ODAD1: variants seen among roughly 807,000 people sequenced by gnomAD.
ODAD1 encodes outer dynein arm docking complex subunit 1.
Under a neutral mutation model 67.2 loss-of-function variants are expected in ODAD1, and 49 were observed. That is an observed-to-expected ratio of 0.73 (90% CI 0.58 to 0.92). The LOEUF is 0.92. Ranked by LOEUF, ODAD1 falls within the 40% of genes least tolerant of loss-of-function variation. ODAD1 has a pLI of 0.00. For synonymous variants in ODAD1, 345 were observed against 393.7 expected (o/e 0.88, Z 1.46); for missense variants, 897 against 953.7 (o/e 0.94, Z 0.78).
At chr19:48,316,406 G>A (rs1968901385) in intron 5 of ODAD1, among the ~76,000 whole-genome samples, 2 of 150,972 alleles carry the variant, frequency 1.3e-5, no homozygotes, top group African/African-American at 2.4e-5. Context: ...CTGCCTAACT[G>A]TGCAAACTGT....
intron 3 of ODAD1, chr19:48,319,521 C>T: frequency 8.0e-6 from 6 of 748,428 alleles, no homozygotes; most frequent in Non-Finnish European, 9.8e-6. Flanking sequence ...AAACATTTGG[C>T]AATGTCTGGA....
rs756376602 is a variant in ODAD1 at position 48,297,045 on chromosome 19, G to A, written c.2055C>T (p.His685=). 1.5e-5 allele frequency: 24 copies of A among 1,612,618 alleles called. No homozygotes were observed. In the Admixed American group the frequency reaches 1.8e-4, roughly 12 times the overall value. ...SSGGLGSSRD[H]VSSTGPASST... is the part of the protein sequence containing the mutation. ...TGGAGGCAGGGCCGGTGCTGGAGAC[G>A]TGGTCTCTGCTGGACCCGAGGCCTC... Residue 685 remains histidine, a synonymous_variant, in exon 16 of 16, where the codon CAC becomes CAT. Coordinates refer to ENST00000674294, the MANE Select transcript of ODAD1 (RefSeq NM_001364171.2).
chr19:48,320,222 C>T, intron 3 of ODAD1, 77 bp downstream of exon 3: 1 of 982,218 alleles, frequency 1.0e-6, no homozygotes. Context: ...CTCCCTCCCT[C>T]CCTACAGGAC....
intron 5 of ODAD1, among the ~76,000 whole-genome samples, chr19:48,315,805 A>C (rs1968882935): frequency 1.3e-5 from 2 of 152,250 alleles, no homozygotes; most frequent in South Asian, 4.1e-4. Context: ...CACTCAGAGT[A>C]GTTATTTTGA....
At chr19:48,301,465 A>G (rs1311715071) in intron 12 of ODAD1, among the ~76,000 whole-genome samples, 1 of 152,140 alleles carries the variant, frequency 6.6e-6, no homozygotes, top group Non-Finnish European at 1.5e-5. Flanking sequence ...TGCCTTGCAC[A>G]GTGAATGACA....
chr19:48,311,969 G>C, intron 6 of ODAD1, 25 bp downstream of exon 6: 1 of 1,548,286 alleles, frequency 6.5e-7, no homozygotes, highest in Non-Finnish European at 8.7e-7. Context: ...AATTCAGGTC[G>C]AGGGACCAGG....
intron 1 of ODAD1, among the ~76,000 whole-genome samples, chr19:48,321,233 G>T (rs1969021682): frequency 6.6e-6 from 1 of 152,174 alleles, no homozygotes; most frequent in South Asian, 2.1e-4. Context: ...GCGAGACTCC[G>T]TCTCAAAAAA....
At chr19:48,314,433 G>C (rs370751819) in intron 5 of ODAD1, among the ~76,000 whole-genome samples, 1 of 152,120 alleles carries the variant, frequency 6.6e-6, no homozygotes, top group Non-Finnish European at 1.5e-5. Context: ...ACTAATCCAC[G>C]TACCAAAGAT....
chr19:48,318,547 C>G lies in ODAD1; in HGVS notation c.200G>C (p.Arg67Pro). 6.4e-6 allele frequency: 10 copies of G among 1,551,478 alleles called. No individual in the cohort carries two copies. Among genetic ancestry groups the G allele is most frequent in the African/African-American group, 1.4e-5 (1 of 73,122 alleles). ...GCTGATCTGCACCTGGAGATCGCCC[C>G]GTACCTCCTCCAAGCGCCGGATCTC... ...LEEIRRLEEVRGDLQVQISAA... is the reference protein window; with the variant it reads ...LEEIRRLEEVPGDLQVQISAA... The change falls in exon 5 of 16, where the codon CGG (arginine) becomes CCG (proline). Residue 67 changes from arginine to proline, a missense_variant. Coordinates refer to ENST00000674294, the MANE Select transcript of ODAD1 (RefSeq NM_001364171.2).
intron 2 of ODAD1, 67 bp from the exon 3 acceptor site, chr19:48,320,458 T>C: frequency 1.1e-6 from 1 of 879,322 alleles, no homozygotes; most frequent in Non-Finnish European, 1.5e-6. Context: ...GGGTGGACAA[T>C]GAACTGCGAG....
chr19:48,321,498 C>T (rs957430935), intron 1 of ODAD1, 180 bp downstream of exon 1: 1 of 263,054 alleles, frequency 3.8e-6, no homozygotes, highest in African/African-American at 2.2e-5. Flanking sequence ...GCTTCGCAGA[C>T]AGCGAGCGGA....
chr19:48,317,883 T>C (rs900838740), intron 5 of ODAD1, among the ~76,000 whole-genome samples: 3 of 151,978 alleles, frequency 2.0e-5, no homozygotes, highest in Non-Finnish European at 4.4e-5. Flanking sequence ...CCATCTTGGC[T>C]AACACAGTAA....
chr19:48,297,558 C>T lies in ODAD1; in HGVS notation c.1581+32G>A, dbSNP rs768955001. On this transcript the variant is annotated intron_variant, in intron 15 of 15. Coordinates refer to ENST00000674294, the MANE Select transcript of ODAD1 (RefSeq NM_001364171.2). ...AACTGGGCCCCGACACACACTGAGG[C>T]CTGGCCCCACCCCCGCAGGCCCCAC... 10 of 1,588,886 alleles carry T rather than the reference C, an allele frequency of 6.3e-6. No individual in the cohort carries two copies. The African/African-American group carries it at 9.5e-5, about 15-fold the overall frequency.
rs1250381668 is a variant in ODAD1 at position 48,297,393 on chromosome 19, C to T, written c.1707G>A (p.Leu569=). The T allele has an allele frequency of 6.2e-7, 1 of 1,606,920 alleles. No homozygotes were observed. ...STQRAGSSTV[L]VPTRHPHAIP... The stretch of plus-strand genomic sequence containing the variant: ...TGGCATGGGGGTGCCTGGTGGGCAC[C>T]AGGACGGTACTGGAGCCGGCCCTCT... Residue 569 remains leucine, a synonymous_variant, in exon 16 of 16, where the codon CTG becomes CTA. Transcript: ENST00000674294.
rs1569008966 is a variant in ODAD1, at chr19:48,311,552, CCTT to C, written c.595_597del (p.Lys199del). Reference sequence around the variant, plus strand: ...CTCCCCTGGATTTCAGGGCCACTGACCTTCTTCAGCTTGCGGTCCACGTTCAGA... The same window carrying C: ...CTCCCCTGGATTTCAGGGCCACTGACCTTCAGCTTGCGGTCCACGTTCAGA... On this transcript the variant is annotated inframe_deletion and splice_region_variant, in exon 7 of 16. Transcript: ENST00000674294. 3 of 1,538,130 alleles carry C rather than the reference CCTT, an allele frequency of 2.0e-6. No individual in the cohort carries two copies. The highest frequency in any genetic ancestry group is 2.5e-5 in the East Asian group (1 of 40,800).
chr19:48,297,063 G>A lies in ODAD1; in HGVS notation c.2037C>T (p.Leu679=), dbSNP rs779297766. ...GGTASDSSGG[L]GSSRDHVSST... The stretch of plus-strand genomic sequence containing the variant: ...TGGAGACGTGGTCTCTGCTGGACCC[G>A]AGGCCTCCGCTCGAATCAGACGCTG... The change falls in exon 16 of 16, where the codon CTC becomes CTT. Residue 679 remains leucine (L), a synonymous_variant. Transcript: ENST00000674294. The A allele has an allele frequency of 6.8e-5, 109 of 1,612,920 alleles. No homozygotes were observed. The highest frequency in any genetic ancestry group is 8.0e-5 in the African/African-American group (6 of 74,896).
intron 5 of ODAD1, among the ~76,000 whole-genome samples, chr19:48,315,616 G>A (rs973521377): frequency 6.6e-6 from 1 of 152,122 alleles, no homozygotes; most frequent in African/African-American, 2.4e-5. Context: ...GCCCCTAAAA[G>A]TTTCCTCATG....
At chr19:48,306,022 G>A (rs189399033) in intron 8 of ODAD1, 222 of 182,996 alleles carry the variant, frequency 1.2e-3, no homozygotes, top group Non-Finnish European at 1.5e-3. Context: ...TAGCGCAACT[G>A]CACTGTAGCC....
At position 48,312,028 on chromosome 19, in the gene ODAD1, C is replaced by T. The variant is rs772520707; in HGVS notation, c.449G>A (p.Arg150Gln). ...FILDQKVKIR[R>Q]RIRILENQLD... is the part of the protein sequence containing the mutation. ...CTGGTTTTCTAGGATCCTGATCCTT[C>T]GCCTGATCTTGACCTTCTGATCCAG... is the stretch of plus-strand genomic sequence containing the variant. Residue 150 changes from arginine to glutamine, a missense_variant, in exon 6 of 16, where the codon CGA becomes CAA. Coordinates refer to ENST00000674294, the MANE Select transcript of ODAD1 (RefSeq NM_001364171.2). 5.2e-6 allele frequency: 8 copies of T among 1,551,232 alleles called. No individual in the cohort carries two copies. Among genetic ancestry groups the T allele is most frequent in the African/African-American group, 1.4e-5 (1 of 73,120 alleles).
Sources: allele counts gnomAD v4.1 joint callset (sites outside exome capture counted in the v4.1 genomes callset), GRCh38; gene constraint gnomAD v4.1.1; transcripts MANE v1.5; gene names NCBI Gene and HGNC (gene_info 2026-07-23, HGNC 2026-07-21).